Variants in UBE2E1 observed in about 807,000 individuals in gnomAD.
The protein encoded by UBE2E1 is ubiquitin-conjugating enzyme E2 E1.
UBE2E1 carries 6 observed loss-of-function variants against 21.4 expected under a neutral mutation model. The ratio of observed to expected loss-of-function variants is 0.28; its 90% CI spans 0.15 to 0.55. The LOEUF is 0.55. UBE2E1 is among the 20% of genes least tolerant of loss of function. The probability of loss-of-function intolerance (pLI) is 0.93; values close to 1 mark genes in which losing one functional copy is unlikely to be tolerated. For synonymous variants in UBE2E1, 87 were observed against 82.7 expected (o/e 1.05, Z -0.28); for missense variants, 142 against 236.5 (o/e 0.60, Z 2.62).
intron 3 of UBE2E1, among the ~76,000 whole-genome samples, chr3:23,859,145 A>G (rs1049931702): frequency 3.9e-5 from 6 of 152,194 alleles, no homozygotes; most frequent in African/African-American, 1.4e-4. Flanking sequence ...TGGCCAAACA[A>G]TATCTAGTGC....
chr3:23,835,125 T>G (rs1416689741), intron 3 of UBE2E1, among the ~76,000 whole-genome samples: 1 of 152,208 alleles, frequency 6.6e-6, no homozygotes, highest in African/African-American at 2.4e-5. Context: ...GTTAAATGTT[T>G]AATGAAGTAG....
In UBE2E1 at chr3:23,887,742, A is replaced by G. The variant is rs1701220291; in HGVS notation, c.336+43A>G. ...ATGCTCAAATTTACTAATTCCCACA[A>G]GAGAGCAACTGTTGAGGTTTTTCTA... On this transcript the variant is annotated intron_variant, in intron 4 of 5. Coordinates refer to ENST00000306627, the MANE Select transcript of UBE2E1 (RefSeq NM_003341.5). The surrounding 1 kb of genome is among the most constrained non-coding windows in gnomAD (Gnocchi z 4.4). 1 of 1,574,694 alleles carries G rather than the reference A, an allele frequency of 6.4e-7. No individual in the cohort carries two copies. The highest frequency in any genetic ancestry group is 2.1e-5 in the Admixed American group (1 of 48,678).
intron 3 of UBE2E1, among the ~76,000 whole-genome samples, chr3:23,831,945 C>G (rs1699875958): frequency 6.6e-6 from 1 of 152,118 alleles, no homozygotes. Context: ...GGTGATTCGC[C>G]TGCCTCCGCC....
intron 3 of UBE2E1, among the ~76,000 whole-genome samples, chr3:23,844,848 T>C (rs1347584734): frequency 6.6e-6 from 1 of 152,188 alleles, no homozygotes. Context: ...CTACACTGTA[T>C]TTATTACCGT....
chr3:23,810,341 A>G lies in UBE2E1; in HGVS notation c.153-1119A>G. 1 of 1,234,476 alleles carries G rather than the reference A, an allele frequency of 8.1e-7. No individual in the cohort carries two copies. Among genetic ancestry groups the G allele is most frequent in the South Asian group, 1.3e-5 (1 of 77,148 alleles). The allele number at this position is 1,234,476 out of a possible 1,614,324, so 76.5% of individuals were successfully genotyped here. A position where few individuals can be genotyped will look rare whatever the true frequency, so the allele number is the denominator to read the frequency against. ...CCTAGGTAAGCAAAAGACAAAGGCC[A>G]GGGCTTGGTGTGAACTGCCTGGTGG... On this transcript the variant is annotated intron_variant, in intron 2 of 5. Coordinates refer to ENST00000306627, the MANE Select transcript of UBE2E1 (RefSeq NM_003341.5). This position sits in a 1 kb window ranked among gnomAD's most constrained non-coding sequence, Gnocchi z 5.8.
intron 3 of UBE2E1, among the ~76,000 whole-genome samples, chr3:23,878,802 C>G (rs7610689): frequency 0.18 from 26,997 of 152,206 alleles, 3,347 homozygotes; most frequent in African/African-American, 0.35. Flanking sequence ...CCCACTGATT[C>G]TACATTATGG....
intron 3 of UBE2E1, among the ~76,000 whole-genome samples, chr3:23,831,697 C>CTT (rs11332707): frequency 7.1e-6 from 1 of 141,468 alleles, no homozygotes; most frequent in Non-Finnish European, 1.5e-5. Context: ...TTTTGTATTT[C>CTT]TTTTTTTTTT....
intron 3 of UBE2E1, among the ~76,000 whole-genome samples, chr3:23,831,878 T>C (rs1331349145): frequency 6.6e-6 from 1 of 152,088 alleles, no homozygotes; most frequent in Non-Finnish European, 1.5e-5. Flanking sequence ...GTATTTTTTG[T>C]AGAGGCAGGG....
Position 23,863,442 on chromosome 3 carries a change from T to C in UBE2E1, c.204-24125T>C, listed in dbSNP as rs1700595134. 6.6e-6 allele frequency among the ~76,000 whole-genome samples: 1 copy of C among 152,180 alleles called. No individual in the cohort carries two copies. The highest frequency in any genetic ancestry group is 1.5e-5 in the Non-Finnish European group (1 of 68,028). On this transcript the variant is annotated intron_variant, in intron 3 of 5. Transcript: ENST00000306627. The surrounding 1 kb of genome is among the most constrained non-coding windows in gnomAD (Gnocchi z 4.3). ...TTCCCTACCCACTACATATATATACTTGTCACAAATTCAACCCCAGATGCC... is the reference window on the plus strand; with the variant it reads ...TTCCCTACCCACTACATATATATACCTGTCACAAATTCAACCCCAGATGCC...
chr3:23,808,605 C>T lies in UBE2E1; in HGVS notation c.152+1184C>T, dbSNP rs1699324693. The T allele has an allele frequency of 6.6e-6, 1 of 152,138 alleles. No homozygotes were observed. The highest frequency in any genetic ancestry group is 1.5e-5 in the Non-Finnish European group (1 of 68,040). 9.4% of individuals were successfully genotyped at this position (152,138 alleles called of 1,614,324 possible). On this transcript the variant is annotated intron_variant, in intron 2 of 5. Coordinates refer to ENST00000306627, the MANE Select transcript of UBE2E1 (RefSeq NM_003341.5). The surrounding 1 kb of genome is among the most constrained non-coding windows in gnomAD (Gnocchi z 4.9). ...CTTGGCAGTGTTTTGGTGACCTAAC[C>T]ATGGGCTGATGAAGGAGTGACTTTT...
intron 3 of UBE2E1, among the ~76,000 whole-genome samples, chr3:23,883,620 A>T (rs1701104606): frequency 6.6e-6 from 1 of 152,208 alleles, no homozygotes; most frequent in African/African-American, 2.4e-5. Context: ...GTGACTATCT[A>T]AAACTTGATA....
chr3:23,884,145 TC>T (rs1701121108), intron 3 of UBE2E1, among the ~76,000 whole-genome samples: 2 of 151,504 alleles, frequency 1.3e-5, no homozygotes, highest in Admixed American at 1.3e-4. Flanking sequence ...ACGTTTTTTG[TC>T]ATTATGTAGT....
intron 3 of UBE2E1, 146 bp downstream of exon 3, chr3:23,811,656 C>A (rs909003485): frequency 2.0e-5 from 15 of 740,586 alleles, no homozygotes; most frequent in African/African-American, 5.3e-5. Flanking sequence ...AATTTATTAA[C>A]CTGAGTATAA....
chr3:23,873,835 C>G (rs1700856912), intron 3 of UBE2E1, among the ~76,000 whole-genome samples: 1 of 152,152 alleles, frequency 6.6e-6, no homozygotes, highest in South Asian at 2.1e-4. Context: ...ATAGGGTAAC[C>G]ATATAACATG....
chr3:23,884,355 A>G (rs1398727986), intron 3 of UBE2E1, among the ~76,000 whole-genome samples: 1 of 152,238 alleles, frequency 6.6e-6, no homozygotes, highest in East Asian at 1.9e-4. Context: ...AGTAACCTGT[A>G]GCAGTGGTTC....
chr3:23,818,194 G>C (rs547485840), intron 3 of UBE2E1, among the ~76,000 whole-genome samples: 1 of 152,310 alleles, frequency 6.6e-6, no homozygotes, highest in African/African-American at 2.4e-5. Context: ...AAATAAATAA[G>C]GCAGGAGGAT....
At chr3:23,881,423 G>C (rs1415036476) in intron 3 of UBE2E1, among the ~76,000 whole-genome samples, 1 of 152,124 alleles carries the variant, frequency 6.6e-6, no homozygotes, top group African/African-American at 2.4e-5. Context: ...GTATAGGCAT[G>C]GTCTCTTCAC....
At chr3:23,860,827 TA>T (rs1396731681) in intron 3 of UBE2E1, among the ~76,000 whole-genome samples, 6 of 152,228 alleles carry the variant, frequency 3.9e-5, no homozygotes, top group African/African-American at 1.4e-4. Context: ...CTATTGCATA[TA>T]ATAGTAAATG....
At chr3:23,860,657 A>T (rs143411958) in intron 3 of UBE2E1, among the ~76,000 whole-genome samples, 26 of 152,256 alleles carry the variant, frequency 1.7e-4, no homozygotes, top group African/African-American at 6.0e-4. Flanking sequence ...AAAAGTATTC[A>T]TTTTGCTTAA....
Sources: gnomAD v4.1 joint callset for allele counts (sites outside exome capture counted in the v4.1 genomes callset) on GRCh38, gnomAD v4.1.1 for gene constraint, Gnocchi (gnomAD v3.1) non-coding constraint, MANE v1.5 for transcripts, NCBI Gene and HGNC (gene_info 2026-07-23, HGNC 2026-07-21) for gene names.